Variants in MAPK6 observed in about 807,000 individuals in gnomAD.
MAPK6 encodes ERK-3.
A neutral mutation model predicts 59.3 loss-of-function variants in MAPK6; 19 were observed. The observed-to-expected ratio is 0.32, with a 90% CI of 0.22 to 0.47. The LOEUF (loss-of-function observed/expected upper bound fraction) is 0.47, where lower values mean the gene tolerates loss of function less well. Among genes scored for constraint, MAPK6 ranks in the 20% least tolerant of loss-of-function variants. The probability of loss-of-function intolerance (pLI) is 1.00; values close to 1 mark genes in which losing one functional copy is unlikely to be tolerated. For missense variants in MAPK6, 724 were observed against 847.9 expected (o/e 0.85, Z 1.81); for synonymous variants, 316 against 290.3 (o/e 1.09, Z -0.90).
At position 52,046,380 on chromosome 15, in the gene MAPK6, A is replaced by T; in HGVS notation, c.-81A>T. ...TATTTTTCTTCTCCCTTTTTGAAAG[A>T]TCTTTCCTTTTGATGCCAGTTTTCT... On this transcript the variant is annotated 5_prime_UTR_variant, in exon 2 of 6. Coordinates refer to ENST00000261845, the MANE Select transcript of MAPK6 (RefSeq NM_002748.4). 7 of 1,050,330 alleles carry T rather than the reference A, an allele frequency of 6.7e-6. No homozygotes were observed. Among genetic ancestry groups the T allele is most frequent in the Non-Finnish European group, 9.8e-6 (7 of 711,650 alleles). 65.1% of individuals were successfully genotyped at this position (1,050,330 alleles called of 1,614,324 possible). A position where few individuals can be genotyped will look rare whatever the true frequency, so the allele number is the denominator to read the frequency against.
At chr15:52,052,087 A>C (rs1192473077) in intron 3 of MAPK6, among the ~76,000 whole-genome samples, 2 of 152,256 alleles carry the variant, frequency 1.3e-5, no homozygotes, top group African/African-American at 4.8e-5. Context: ...TAGCTTAAAC[A>C]ACAAACATTT....
chr15:52,048,743 G>A (rs891105621), intron 2 of MAPK6, among the ~76,000 whole-genome samples: 2 of 150,656 alleles, frequency 1.3e-5, no homozygotes, highest in African/African-American at 2.4e-5. Context: ...AACCTGCGCA[G>A]TGGCTCCTGC....
chr15:52,012,224 C>A (rs1156868833), intron 3 of MAPK6, among the ~76,000 whole-genome samples: 6 of 152,222 alleles, frequency 3.9e-5, no homozygotes, highest in Admixed American at 3.9e-4. Context: ...CCAATTCTCA[C>A]ATCTTTTTTT....
intron 1 of MAPK6, among the ~76,000 whole-genome samples, chr15:52,035,270 A>C (rs1327867064): frequency 6.6e-6 from 1 of 152,202 alleles, no homozygotes; most frequent in Non-Finnish European, 1.5e-5. Flanking sequence ...GCTGCCTTGA[A>C]CATGGTAGAG....
intron 1 of MAPK6, among the ~76,000 whole-genome samples, chr15:51,976,813 G>A (rs75880430): frequency 6.6e-6 from 1 of 151,322 alleles, no homozygotes; most frequent in Non-Finnish European, 1.5e-5. Flanking sequence ...CTTGGCGGTC[G>A]CACTCCTGTA....
chr15:52,025,965 A>G (rs1184703841), intron 1 of MAPK6, among the ~76,000 whole-genome samples: 2 of 152,200 alleles, frequency 1.3e-5, no homozygotes, highest in African/African-American at 4.8e-5. Flanking sequence ...AGTTTTTCTA[A>G]TATGCCCAGA....
At chr15:52,004,080 A>G (rs1321263196) in intron 2 of MAPK6, 4 of 152,124 alleles carry the variant, frequency 2.6e-5, no homozygotes, top group African/African-American at 9.7e-5. Flanking sequence ...CATCATGAAA[A>G]TTGGTCTGTG....
upstream of MAPK6, among the ~76,000 whole-genome samples, chr15:52,016,070 G>GCACACACACACACACACA (rs1175427042): frequency 1.4e-3 from 75 of 55,436 alleles, no homozygotes; most frequent in Non-Finnish European, 2.0e-3. Flanking sequence ...GCGCGCGCGC[G>GCACACACACACACACACA]CACACACACA....
chr15:52,041,845 G>A (rs1478510670), intron 1 of MAPK6, among the ~76,000 whole-genome samples: 1 of 152,164 alleles, frequency 6.6e-6, no homozygotes, highest in Admixed American at 6.6e-5. Context: ...ATTCTCAGTA[G>A]TATCTTGTAG....
At chr15:52,028,208 T>C (rs541462208) in intron 1 of MAPK6, among the ~76,000 whole-genome samples, 1 of 152,244 alleles carries the variant, frequency 6.6e-6, no homozygotes, top group East Asian at 1.9e-4. Context: ...CGCCTCGGCC[T>C]CCCAAAGTGC....
intron 1 of MAPK6, among the ~76,000 whole-genome samples, chr15:52,037,818 A>G (rs2141889683): frequency 6.6e-6 from 1 of 152,356 alleles, no homozygotes; most frequent in Non-Finnish European, 1.5e-5. Context: ...CTACTCACGT[A>G]GAATATGCTA....
intron 1 of MAPK6, among the ~76,000 whole-genome samples, chr15:52,020,914 A>G (rs1229244324): frequency 3.9e-5 from 6 of 152,234 alleles, no homozygotes; most frequent in African/African-American, 1.4e-4. Flanking sequence ...CAGTTAATCT[A>G]GAAAATATGC....
At chr15:52,044,814 G>GTT (rs901723821) in intron 1 of MAPK6, among the ~76,000 whole-genome samples, 2 of 151,116 alleles carry the variant, frequency 1.3e-5, no homozygotes, top group Non-Finnish European at 2.9e-5. Flanking sequence ...AATCTGCCAT[G>GTT]TTTGTTATTT....
chr15:51,993,524 C>G lies in MAPK6; in HGVS notation c.-770+10209C>G, dbSNP rs534999721. 2.0e-5 allele frequency among the ~76,000 whole-genome samples: 3 copies of G among 152,170 alleles called. No homozygotes were observed. In the East Asian group the frequency reaches 5.8e-4, roughly 29 times the overall value. On this transcript the variant is annotated intron_variant, in intron 2 of 7. Transcript: ENST00000691380. ...GTTACATATGTGGAAAGTGAAAAAA[C>G]TAGAAGAATTATTTGGTGTTGGATT...
chr15:52,023,448 C>A (rs1390896447), intron 1 of MAPK6, among the ~76,000 whole-genome samples: 1 of 152,168 alleles, frequency 6.6e-6, no homozygotes, highest in Admixed American at 6.6e-5. Context: ...AAAACAACTC[C>A]AATGTTACTG....
intron 2 of MAPK6, among the ~76,000 whole-genome samples, chr15:51,995,495 C>T (rs2057221710): frequency 6.6e-6 from 1 of 152,178 alleles, no homozygotes; most frequent in South Asian, 2.1e-4. Context: ...ACATCCACTT[C>T]TTCATATACG....
chr15:52,029,458 T>C (rs1168423118), intron 1 of MAPK6, among the ~76,000 whole-genome samples: 1 of 152,220 alleles, frequency 6.6e-6, no homozygotes, highest in African/African-American at 2.4e-5. Context: ...CTCATTGTTT[T>C]AAATGCCATC....
chr15:52,027,726 C>G (rs1327949965), intron 1 of MAPK6: 1 of 150,332 alleles, frequency 6.7e-6, no homozygotes, highest in Admixed American at 6.6e-5. Context: ...GCATGAGCCA[C>G]TCTGCTCAGC....
intron 2 of MAPK6, among the ~76,000 whole-genome samples, chr15:52,049,589 A>G (rs564844328): frequency 2.0e-5 from 3 of 151,358 alleles, no homozygotes; most frequent in Non-Finnish European, 4.4e-5. Flanking sequence ...CGGCCTCCCA[A>G]AGTGCTGGGG....
Sources: gnomAD v4.1 joint callset for allele counts (sites outside exome capture counted in the v4.1 genomes callset) on GRCh38, gnomAD v4.1.1 for gene constraint, MANE v1.5 for transcripts, NCBI Gene and HGNC (gene_info 2026-07-23, HGNC 2026-07-21) for gene names.